Variants in SPMIP9 observed in about 807,000 individuals in gnomAD.
SPMIP9 encodes sperm microtubule inner protein 9, also known as protein SPMIP9.
the SPMIP9 span, among the ~76,000 whole-genome samples, chr2:88,528,317 T>C: frequency 6.6e-6 from 1 of 152,118 alleles, no homozygotes; most frequent in Non-Finnish European, 1.5e-5. Flanking sequence ...TTTGTATTTT[T>C]AGTAGAGATG....
At chr2:88,525,619 ACTTGT>A in the SPMIP9 span, 1 of 1,614,022 alleles carries the variant, frequency 6.2e-7, no homozygotes, top group South Asian at 1.1e-5. Flanking sequence ...GGGCTAAACA[ACTTGT>A]CTGTGTCTAG....
chr2:88,528,671 G>A, the SPMIP9 span, among the ~76,000 whole-genome samples: 1 of 152,190 alleles, frequency 6.6e-6, no homozygotes, highest in East Asian at 1.9e-4. Flanking sequence ...CAGTTTCTGA[G>A]ATGTTATTTA....
the SPMIP9 span, chr2:88,529,083 A>G: frequency 5.0e-6 from 8 of 1,613,678 alleles, no homozygotes; most frequent in Non-Finnish European, 5.9e-6. Context: ...CTCCGGGACA[A>G]AGAGTTTTAC....
chr2:88,529,570 AG>A, the SPMIP9 span: 1 of 1,167,996 alleles, frequency 8.6e-7, no homozygotes, highest in Non-Finnish European at 1.2e-6. Flanking sequence ...AAAACTGGAA[AG>A]ATGTTCCAAC....
At chr2:88,527,431 G>A in the SPMIP9 span, among the ~76,000 whole-genome samples, 8 of 150,484 alleles carry the variant, frequency 5.3e-5, no homozygotes, top group Non-Finnish European at 1.2e-4. Flanking sequence ...GAGGTGGGGC[G>A]AGACTCTATC....
the SPMIP9 span, chr2:88,526,503 A>G: frequency 2.4e-5 from 38 of 1,608,234 alleles, no homozygotes; most frequent in South Asian, 4.1e-4. Flanking sequence ...AAGAGGTAGG[A>G]AGGCACGCAA....
the SPMIP9 span, chr2:88,525,549 G>A: frequency 2.1e-6 from 3 of 1,446,744 alleles, no homozygotes; most frequent in Non-Finnish European, 2.9e-6. Context: ...AGCTGGGGCA[G>A]CCATGCTTGG....
the SPMIP9 span, chr2:88,526,501 G>A: frequency 1.2e-6 from 2 of 1,611,826 alleles, no homozygotes; most frequent in Non-Finnish European, 1.7e-6. Flanking sequence ...GCAAGAGGTA[G>A]GAAGGCACGC....
the SPMIP9 span, chr2:88,529,170 AC>A: frequency 6.2e-7 from 1 of 1,614,004 alleles, no homozygotes; most frequent in Non-Finnish European, 8.5e-7. Flanking sequence ...ACTGCCAAAG[AC>A]CTGGGACTCC....
the SPMIP9 span, among the ~76,000 whole-genome samples, chr2:88,527,390 A>C: frequency 6.6e-6 from 1 of 152,272 alleles, no homozygotes; most frequent in African/African-American, 2.4e-5. Flanking sequence ...GCTGCGTGGA[A>C]GGCTGAGACA....
At chr2:88,525,542 TG>T in the SPMIP9 span, 3 of 1,373,362 alleles carry the variant, frequency 2.2e-6, no homozygotes, top group Non-Finnish European at 3.1e-6. Context: ...CTAAGAAAGC[TG>T]GGGCAGCCAT....
the SPMIP9 span, chr2:88,526,329 G>A: frequency 4.2e-6 from 5 of 1,180,154 alleles, no homozygotes; most frequent in Admixed American, 1.7e-5. Flanking sequence ...CCTACAAACA[G>A]CAAGAAGCCA....
the SPMIP9 span, among the ~76,000 whole-genome samples, chr2:88,525,968 A>G: frequency 6.6e-6 from 1 of 152,066 alleles, no homozygotes; most frequent in Non-Finnish European, 1.5e-5. Flanking sequence ...AACCTGCTCT[A>G]GTGTACTTCA....
the SPMIP9 span, among the ~76,000 whole-genome samples, chr2:88,527,113 C>T: frequency 0.037 from 5,688 of 152,174 alleles, 348 homozygotes; most frequent in African/African-American, 0.13. Context: ...ATTAGCAGTA[C>T]CTTGTAGCCT....
At chr2:88,527,617 T>C in the SPMIP9 span, among the ~76,000 whole-genome samples, 2 of 152,374 alleles carry the variant, frequency 1.3e-5, no homozygotes, top group African/African-American at 4.8e-5. Context: ...CTGCATAGTA[T>C]TACATTGCAT....
chr2:88,528,771 A>G, the SPMIP9 span, among the ~76,000 whole-genome samples: 4 of 152,192 alleles, frequency 2.6e-5, no homozygotes, highest in Non-Finnish European at 2.9e-5. Flanking sequence ...TTATATGCAC[A>G]TCAAATATTT....
the SPMIP9 span, chr2:88,529,166 A>C: frequency 1.9e-6 from 3 of 1,614,010 alleles, no homozygotes; most frequent in Non-Finnish European, 2.5e-6. Flanking sequence ...CATGACTGCC[A>C]AAGACCTGGG....
chr2:88,527,858 C>T, the SPMIP9 span, among the ~76,000 whole-genome samples: 1 of 152,246 alleles, frequency 6.6e-6, no homozygotes, highest in South Asian at 2.1e-4. Flanking sequence ...TACATTATGG[C>T]CAGCAGGAGA....
the SPMIP9 span, among the ~76,000 whole-genome samples, chr2:88,525,153 G>C: frequency 6.6e-6 from 1 of 152,236 alleles, no homozygotes; most frequent in East Asian, 1.9e-4. Flanking sequence ...ATGTGAGCTG[G>C]AGCCAGTTCA....
Sources: allele counts gnomAD v4.1 joint callset (sites outside exome capture counted in the v4.1 genomes callset), GRCh38; gene constraint gnomAD v4.1.1; transcripts MANE v1.5; gene names NCBI Gene and HGNC (gene_info 2026-07-23, HGNC 2026-07-21).